OTUD7A: variants seen among roughly 807,000 people sequenced by gnomAD.
The protein encoded by OTUD7A is OTU deubiquitinase 7A, also known as OTU domain-containing protein 7A.
In OTUD7A, 12 loss-of-function variants were observed where a neutral mutation model predicts 65.7. The observed-to-expected ratio is 0.18, with a 90% CI of 0.12 to 0.30. OTUD7A has a LOEUF of 0.30. Among genes scored for constraint, OTUD7A ranks in the 10% least tolerant of loss-of-function variants. The pLI, the probability that OTUD7A is intolerant of heterozygous loss-of-function variation, is 1.00. For missense variants in OTUD7A, 1,148 were observed against 1,304.8 expected, an observed-to-expected ratio of 0.88 and a Z score of 1.85; for synonymous variants, 641 against 586.3, an observed-to-expected ratio of 1.09 and a Z score of -1.35.
intron 3 of OTUD7A, among the ~76,000 whole-genome samples, chr15:31,640,449 T>C (rs1274966213): frequency 6.6e-6 from 1 of 152,272 alleles, no homozygotes; most frequent in African/African-American, 2.4e-5. Flanking sequence ...TTCTCCTGTG[T>C]TTTTTTCTAG....
intron 1 of OTUD7A, among the ~76,000 whole-genome samples, chr15:31,701,377 TA>T (rs1162831568): frequency 6.6e-6 from 1 of 151,154 alleles, no homozygotes; most frequent in African/African-American, 2.4e-5. Flanking sequence ...TTTCCTAACT[TA>T]AAAAATTATT....
chr15:31,669,653 T>C (rs1465750148), intron 1 of OTUD7A, among the ~76,000 whole-genome samples: 1 of 152,058 alleles, frequency 6.6e-6, no homozygotes, highest in East Asian at 1.9e-4. Context: ...CTCCCCTGAG[T>C]TCTGGCAAAG....
intron 1 of OTUD7A, among the ~76,000 whole-genome samples, chr15:31,783,381 TTC>T (rs1895591145): frequency 6.6e-6 from 1 of 152,206 alleles, no homozygotes; most frequent in Non-Finnish European, 1.5e-5. Flanking sequence ...TCAATGATCA[TTC>T]TAAGGAGAGA....
chr15:31,618,669 A>G (rs1449359603), intron 3 of OTUD7A, among the ~76,000 whole-genome samples: 5 of 152,082 alleles, frequency 3.3e-5, no homozygotes, highest in Non-Finnish European at 7.3e-5. Flanking sequence ...TAGATTCTGG[A>G]TATTAGCCCT....
In OTUD7A at chr15:31,484,792, A is replaced by T; in HGVS notation, c.1372-68T>A. ...AGCTGTCCACGCGCCAGCGAGGAAG[A>T]CACACCTTGCCCCTGTGTTGCCGAG... On this transcript the variant is annotated intron_variant, in intron 12 of 12. Coordinates refer to ENST00000307050, the MANE Select transcript of OTUD7A (RefSeq NM_001382637.1). The surrounding 1 kb of genome is among the most constrained non-coding windows in gnomAD (Gnocchi z 4.5). 1 of 1,533,952 alleles carries T rather than the reference A, an allele frequency of 6.5e-7. No individual in the cohort carries two copies. Among genetic ancestry groups the T allele is most frequent in the Non-Finnish European group, 8.7e-7 (1 of 1,144,218 alleles).
At chr15:31,600,635 T>C (rs1230601757) in intron 3 of OTUD7A, among the ~76,000 whole-genome samples, 3 of 152,194 alleles carry the variant, frequency 2.0e-5, no homozygotes. Flanking sequence ...GTAAATGGGC[T>C]AAATGCCCTA....
intron 10 of OTUD7A, among the ~76,000 whole-genome samples, chr15:31,496,566 A>G (rs1413704573): frequency 6.6e-6 from 1 of 152,236 alleles, no homozygotes; most frequent in Admixed American, 6.5e-5. Flanking sequence ...GTTGAGCAGA[A>G]TATGTAATGA....
At chr15:31,767,900 AAG>A in intron 1 of OTUD7A, 1 of 1,490,232 alleles carries the variant, frequency 6.7e-7, no homozygotes, top group Non-Finnish European at 9.4e-7. Flanking sequence ...AGGAAATCTG[AAG>A]AGCTGGTTGT....
At chr15:31,807,875 T>C (rs1238878428) in intron 1 of OTUD7A, among the ~76,000 whole-genome samples, 1 of 152,022 alleles carries the variant, frequency 6.6e-6, no homozygotes, top group Non-Finnish European at 1.5e-5. Flanking sequence ...CCCAGGAATT[T>C]AGAGGAAACC....
chr15:31,626,070 T>C (rs1890940987), intron 3 of OTUD7A, among the ~76,000 whole-genome samples: 1 of 152,118 alleles, frequency 6.6e-6, no homozygotes, highest in East Asian at 1.9e-4. Context: ...AGGAAACTTT[T>C]TGAAAGGAAG....
intron 1 of OTUD7A, among the ~76,000 whole-genome samples, chr15:31,735,252 G>A (rs571339459): frequency 6.6e-6 from 1 of 152,286 alleles, no homozygotes; most frequent in African/African-American, 2.4e-5. Context: ...GGCAGGGCAT[G>A]GTGGCTCATG....
intron 3 of OTUD7A, among the ~76,000 whole-genome samples, chr15:31,632,182 C>T (rs1891186911): frequency 6.6e-6 from 1 of 152,168 alleles, no homozygotes; most frequent in Admixed American, 6.5e-5. Flanking sequence ...TTAGTGTTTC[C>T]AGTTTTTCTG....
At chr15:31,845,916 G>A (rs970199429) in intron 1 of OTUD7A, among the ~76,000 whole-genome samples, 1 of 152,240 alleles carries the variant, frequency 6.6e-6, no homozygotes, top group Non-Finnish European at 1.5e-5. Flanking sequence ...ATGCACAAGA[G>A]AGCCCACAGG....
At chr15:31,809,426 C>A (rs1896364677) in intron 1 of OTUD7A, among the ~76,000 whole-genome samples, 1 of 152,184 alleles carries the variant, frequency 6.6e-6, no homozygotes, top group South Asian at 2.1e-4. Flanking sequence ...TACTGTAAGA[C>A]AATGGTGACA....
At chr15:31,567,432 G>T (rs2219507) in intron 4 of OTUD7A, among the ~76,000 whole-genome samples, 50,354 of 152,086 alleles carry the variant, frequency 0.33, 11,047 homozygotes, top group African/African-American at 0.63. Context: ...AGCAAAGATA[G>T]GAGTTGGAAC....
chr15:31,684,258 G>A (rs1250438118), intron 1 of OTUD7A, among the ~76,000 whole-genome samples: 6 of 152,104 alleles, frequency 3.9e-5, no homozygotes, highest in Admixed American at 1.3e-4. Context: ...ATAGGAAAGC[G>A]GGAGTAGAGA....
chr15:31,642,881 G>GT (rs1891558729), intron 3 of OTUD7A, among the ~76,000 whole-genome samples: 1 of 151,764 alleles, frequency 6.6e-6, no homozygotes. Flanking sequence ...CTATTTCACT[G>GT]TTTTTTGTTC....
chr15:31,743,904 T>C (rs1894407609), intron 1 of OTUD7A, among the ~76,000 whole-genome samples: 1 of 152,006 alleles, frequency 6.6e-6, no homozygotes, highest in Admixed American at 6.6e-5. Flanking sequence ...CTCGCTTATA[T>C]CATCAGCATC....
At chr15:31,504,442 C>T (rs956796803) in intron 8 of OTUD7A, among the ~76,000 whole-genome samples, 9 of 152,186 alleles carry the variant, frequency 5.9e-5, no homozygotes, top group East Asian at 5.8e-4. Context: ...TCAGGGAAAC[C>T]GCAGGCTCAA....
Sources: allele counts gnomAD v4.1 joint callset (sites outside exome capture counted in the v4.1 genomes callset), GRCh38; gene constraint gnomAD v4.1.1; non-coding constraint Gnocchi (gnomAD v3.1); transcripts MANE v1.5; gene names NCBI Gene and HGNC (gene_info 2026-07-23, HGNC 2026-07-21).